Variants in GREB1 observed in about 807,000 individuals in gnomAD.
GREB1 encodes the protein protein GREB1.
A neutral mutation model predicts 200.7 loss-of-function variants in GREB1; 106 were observed. The observed-to-expected ratio is 0.53, with a 90% confidence interval of 0.45 to 0.62. The LOEUF (loss-of-function observed/expected upper bound fraction) is 0.62. GREB1 is among the 20% of genes least tolerant of loss of function. GREB1 has a pLI of 0.00. For synonymous variants in GREB1, 1,132 were observed against 1,092.4 expected (o/e 1.04, Z -0.72); for missense variants, 2,243 against 2,556.8 (o/e 0.88, Z 2.65).
Position 11,580,622 on chromosome 2 carries a change from A to G in GREB1, c.773-82A>G, listed in dbSNP as rs963193394. 4.0e-6 allele frequency: 6 copies of G among 1,487,840 alleles called. No individual in the cohort carries two copies. The highest frequency in any genetic ancestry group is 5.4e-6 in the Non-Finnish European group (6 of 1,103,604). The allele number at this position is 1,487,840 out of a possible 1,614,324, so 92.2% of individuals were successfully genotyped here. On this transcript the variant is annotated intron_variant, in intron 6 of 32. Transcript: ENST00000381486. The surrounding 1 kb of genome is among the most constrained non-coding windows in gnomAD (Gnocchi z 4.5). ...GGGAAAAGCTAGTTTGTGAAACTGC[A>G]AGGAAAATGATTTCCTCCTTGCCTG...
At chr2:11,591,293 A>T (rs1387300452) in intron 10 of GREB1, 2 of 699,866 alleles carry the variant, frequency 2.9e-6, no homozygotes, top group African/African-American at 3.5e-5. Context: ...CGTGTTATGC[A>T]TCAGGAAACC....
rs116821856 is a variant in GREB1, at chr2:11,638,094, C to T, written c.5547+178C>T. Among the ~76,000 whole-genome samples the T allele has an allele frequency of 7.1e-3, 1,078 of 152,308 alleles. 8 individuals carry two copies. The highest frequency in any genetic ancestry group is 0.025 in the African/African-American group (1,027 of 41,574). ...TGAGATGCTTTGCCTGGAAGTAAGA[C>T]GATAGGAAGCCAGCCCAATTCTGAT... On this transcript the variant is annotated intron_variant, in intron 31 of 32. Transcript: ENST00000381486.
At chr2:11,575,234 A>G (rs1678723659) in intron 4 of GREB1, among the ~76,000 whole-genome samples, 1 of 152,240 alleles carries the variant, frequency 6.6e-6, no homozygotes, top group South Asian at 2.1e-4. Flanking sequence ...GCATCTCCCC[A>G]GCCAAAGACC....
chr2:11,592,813 G>T lies in GREB1; in HGVS notation c.1383G>T (p.Gln461His), dbSNP rs746259688. Residue 461 changes from glutamine to histidine, a missense_variant, in exon 11 of 33, where the codon CAG (glutamine) becomes CAT (histidine). This residue lies in a region of GREB1 where 1,178 missense variants were observed against 1,387.4 expected (regional missense o/e 0.85). Transcript: ENST00000381486. Reference protein sequence around the residue: ...DQVPLMEDLEQIFLRSWRESH... With the variant: ...DQVPLMEDLEHIFLRSWRESH... ...TGCCCTTGATGGAGGACCTGGAGCAGATCTTCCTGCGCTCTTGGCGCGAGT... is the reference window on the plus strand; with the variant it reads ...TGCCCTTGATGGAGGACCTGGAGCATATCTTCCTGCGCTCTTGGCGCGAGT... The T allele has an allele frequency of 2.5e-6, 4 of 1,572,090 alleles. No individual in the cohort carries two copies. In the Admixed American group the frequency reaches 7.7e-5, roughly 30 times the overall value.
rs149336230 is a variant in GREB1, at chr2:11,520,013, T to A, written c.-158-36444T>A. Among the ~76,000 whole-genome samples the A allele has an allele frequency of 3.5e-3, 531 of 152,142 alleles. 6 individuals are homozygous for A. The highest frequency in any genetic ancestry group is 0.012 in the African/African-American group (511 of 41,522). On this transcript the variant is annotated intron_variant, in intron 1 of 2. Transcript: ENST00000628795. ...ATTAGCCAGGCATGGTGCCTTGGGT[T>A]TGTGGTCCCAGCTACGCAAGAGGCT...
intron 1 of GREB1, chr2:11,542,668 A>C (rs888746200): frequency 6.6e-6 from 1 of 152,570 alleles, no homozygotes; most frequent in Non-Finnish European, 1.5e-5. Context: ...TTTTGGCTTA[A>C]GAGTAAACTG....
At chr2:11,569,588 G>A (rs1046275064) in intron 4 of GREB1, among the ~76,000 whole-genome samples, 6 of 152,332 alleles carry the variant, frequency 3.9e-5, no homozygotes, top group South Asian at 2.1e-4. Flanking sequence ...AATAGCAGTC[G>A]GCACTTTTTG....
chr2:11,578,555 A>C, intron 6 of GREB1, 124 bp downstream of exon 6: 1 of 935,016 alleles, frequency 1.1e-6, no homozygotes, highest in South Asian at 1.8e-5. Flanking sequence ...ATCTTTTTCT[A>C]TAACACCTTT....
chr2:11,581,208 T>A (rs1679443229), intron 7 of GREB1: 1 of 567,536 alleles, frequency 1.8e-6, no homozygotes, highest in Non-Finnish European at 3.1e-6. Context: ...AACCTACCGC[T>A]GTCTCTTGTT....
intron 1 of GREB1, among the ~76,000 whole-genome samples, chr2:11,501,927 T>TTTTTTTTTTTTTTTTG (rs1673057749): frequency 9.9e-6 from 1 of 101,388 alleles, no homozygotes; most frequent in South Asian, 3.6e-4. Context: ...TTTTTTTTTT[T>TTTTTTTTTTTTTTTTG]TTTTTTGAGA....
intron 1 of GREB1, among the ~76,000 whole-genome samples, chr2:11,550,598 T>C (rs1675719020): frequency 6.6e-6 from 1 of 152,236 alleles, no homozygotes; most frequent in African/African-American, 2.4e-5. Context: ...CCTTGTTGCC[T>C]GGAATTCCCA....
chr2:11,499,026 G>A (rs1672960069), intron 1 of GREB1, among the ~76,000 whole-genome samples: 2 of 152,194 alleles, frequency 1.3e-5, no homozygotes. Context: ...CCTGGTGGTG[G>A]GGGGGTGGAA....
intron 1 of GREB1, among the ~76,000 whole-genome samples, chr2:11,495,972 A>C (rs899936475): frequency 1.3e-5 from 2 of 151,994 alleles, no homozygotes; most frequent in Admixed American, 6.6e-5. Context: ...CCAGGTGAGG[A>C]TAACCAGACT....
chr2:11,571,176 T>A (rs1222449620), intron 4 of GREB1, among the ~76,000 whole-genome samples: 1 of 152,188 alleles, frequency 6.6e-6, no homozygotes, highest in Non-Finnish European at 1.5e-5. Flanking sequence ...GAGCCAAAGA[T>A]GATCTTATTT....
chr2:11,551,269 A>G (rs1161637652), intron 1 of GREB1, among the ~76,000 whole-genome samples: 1 of 152,208 alleles, frequency 6.6e-6, no homozygotes, highest in Non-Finnish European at 1.5e-5. Context: ...ATCACCTCCC[A>G]TGAAGCCCAC....
chr2:11,526,877 C>A (rs1344898873), intron 1 of GREB1, among the ~76,000 whole-genome samples: 3 of 152,110 alleles, frequency 2.0e-5, no homozygotes, highest in Non-Finnish European at 4.4e-5. Flanking sequence ...TTAACTGATT[C>A]TTTTGGTAAT....
chr2:11,550,389 G>A (rs1675695630), intron 1 of GREB1, among the ~76,000 whole-genome samples: 1 of 152,326 alleles, frequency 6.6e-6, no homozygotes, highest in South Asian at 2.1e-4. Flanking sequence ...AAAGGAATGA[G>A]AGAAGGGACA....
At chr2:11,619,941 G>A (rs186612670) in intron 22 of GREB1, among the ~76,000 whole-genome samples, 271 of 152,306 alleles carry the variant, frequency 1.8e-3, no homozygotes, top group Non-Finnish European at 3.5e-3. Context: ...TGGGCTCGGT[G>A]CTTGGAAAGC....
At chr2:11,572,017 T>C (rs1394823039) in intron 4 of GREB1, among the ~76,000 whole-genome samples, 1 of 152,230 alleles carries the variant, frequency 6.6e-6, no homozygotes, top group Non-Finnish European at 1.5e-5. Flanking sequence ...AGCCGAACCA[T>C]GCATTTTTAA....
Sources: allele counts gnomAD v4.1 joint callset (sites outside exome capture counted in the v4.1 genomes callset), GRCh38; gene constraint gnomAD v4.1.1; regional missense constraint gnomAD v4.1.1; non-coding constraint Gnocchi (gnomAD v3.1); transcripts MANE v1.5; gene names NCBI Gene and HGNC (gene_info 2026-07-23, HGNC 2026-07-21).